The following TRPC1 variants were observed in gnomAD, a reference collection of about 807,000 sequenced individuals.
The protein encoded by TRPC1 is short transient receptor potential channel 1.
A neutral mutation model predicts 88.2 loss-of-function variants in TRPC1; 42 were observed. The observed-to-expected ratio is 0.48, with a 90% CI of 0.37 to 0.62. The LOEUF (loss-of-function observed/expected upper bound fraction) is 0.62. TRPC1 is among the 20% of genes least tolerant of loss of function. The pLI, the probability that TRPC1 is intolerant of heterozygous loss-of-function variation, is 0.00. For synonymous variants in TRPC1, 288 were observed against 331.8 expected (o/e 0.87, Z 1.43); for missense variants, 699 against 957.3 (o/e 0.73, Z 3.56).
At chr3:142,763,983 T>TATATACACAC (rs1441314374) in intron 4 of TRPC1, among the ~76,000 whole-genome samples, 5 of 74,352 alleles carry the variant, frequency 6.7e-5, no homozygotes, top group Non-Finnish European at 1.3e-4. Context: ...TATATATATA[T>TATATACACAC]ACACATACAT....
intron 6 of TRPC1, among the ~76,000 whole-genome samples, chr3:142,782,192 A>G (rs1424393045): frequency 6.6e-6 from 1 of 152,190 alleles, no homozygotes; most frequent in Non-Finnish European, 1.5e-5. Context: ...CTTAAGAGGT[A>G]ATTTTCTAAT....
chr3:142,796,428 A>AACAACCCC (rs1936452730), intron 9 of TRPC1, among the ~76,000 whole-genome samples: 1 of 152,140 alleles, frequency 6.6e-6, no homozygotes, highest in Non-Finnish European at 1.5e-5. Context: ...AGACAGAAAG[A>AACAACCCC]ACAACCCATG....
In TRPC1 at chr3:142,796,696, A is replaced by C. The variant is rs552616626; in HGVS notation, c.1581+3729A>C. Among the ~76,000 whole-genome samples, 25 of 152,252 alleles carry C rather than the reference A, an allele frequency of 1.6e-4. No individual in the cohort carries two copies. In the South Asian group the frequency reaches 3.5e-3, roughly 21 times the overall value. ...TACTCAAAAAAGGTTGCCACAAACA[A>C]CACAGTATCTGTGGAGCACCACAAA... is the stretch of plus-strand genomic sequence containing the variant. On this transcript the variant is annotated intron_variant, in intron 9 of 12. Transcript: ENST00000476941.
intron 6 of TRPC1, 99 bp downstream of exon 6, chr3:142,781,128 A>G (rs1935945373): frequency 1.1e-6 from 1 of 950,520 alleles, no homozygotes; most frequent in East Asian, 2.8e-5. Flanking sequence ...TTAAGATCCT[A>G]GTTCTGCTTC....
rs889908198 is a variant in TRPC1, at chr3:142,776,245, C to T, written c.633-1387C>T. 5.9e-5 allele frequency among the ~76,000 whole-genome samples: 9 copies of T among 151,946 alleles called. No homozygotes were observed. The highest frequency in any genetic ancestry group is 1.2e-4 in the Non-Finnish European group (8 of 67,988). ...ACATGCACAATTCTCTGTAAAATGA[C>T]GAGTTTTGAGGATTGCAGTTGGGAG... On this transcript the variant is annotated intron_variant, in intron 4 of 12. Transcript: ENST00000476941. The surrounding 1 kb of genome is among the most constrained non-coding windows in gnomAD (Gnocchi z 4.1).
At chr3:142,762,947 A>G (rs369059479) in intron 4 of TRPC1, among the ~76,000 whole-genome samples, 14 of 152,146 alleles carry the variant, frequency 9.2e-5, no homozygotes, top group Admixed American at 4.6e-4. Flanking sequence ...ATTGAAGAGT[A>G]TGTTACTTAA....
chr3:142,743,443 T>G, intron 2 of TRPC1, 42 bp from the exon 3 acceptor site: 5 of 1,380,328 alleles, frequency 3.6e-6, no homozygotes, highest in Non-Finnish European at 4.8e-6. Context: ...AGTTTACCTT[T>G]TTATCTTCCA....
intron 4 of TRPC1, among the ~76,000 whole-genome samples, chr3:142,762,748 C>G (rs1275643699): frequency 6.6e-6 from 1 of 152,026 alleles, no homozygotes; most frequent in Non-Finnish European, 1.5e-5. Context: ...TTTTCTAGTT[C>G]TTCAAGGTGC....
intron 7 of TRPC1, among the ~76,000 whole-genome samples, chr3:142,788,067 T>C (rs796643220): frequency 4.6e-5 from 7 of 152,306 alleles, no homozygotes; most frequent in African/African-American, 1.4e-4. Flanking sequence ...TACCAGACCA[T>C]GCATGGCCTT....
chr3:142,739,923 G>A (rs1333803836), intron 2 of TRPC1, among the ~76,000 whole-genome samples: 3 of 152,194 alleles, frequency 2.0e-5, no homozygotes, highest in Admixed American at 1.3e-4. Context: ...GAACTGGGCT[G>A]CACAGCAGGA....
At chr3:142,764,803 G>C (rs922602038) in intron 4 of TRPC1, among the ~76,000 whole-genome samples, 16 of 152,094 alleles carry the variant, frequency 1.1e-4, no homozygotes, top group African/African-American at 3.9e-4. Flanking sequence ...TCTTTCTCAA[G>C]TTTTGGAAAG....
chr3:142,732,007 T>C (rs1933940312), intron 1 of TRPC1, among the ~76,000 whole-genome samples: 2 of 152,120 alleles, frequency 1.3e-5, no homozygotes, highest in African/African-American at 4.8e-5. Context: ...TGACTGAGAG[T>C]GCATGGCCCA....
rs528283666 is a variant in TRPC1 at position 142,784,518 on chromosome 3, C to T, written c.961-186C>T. 1.1e-4 allele frequency among the ~76,000 whole-genome samples: 16 copies of T among 152,202 alleles called. No individual in the cohort carries two copies. The East Asian group carries it at 2.9e-3, about 28-fold the overall frequency. On this transcript the variant is annotated intron_variant, in intron 6 of 12. Coordinates refer to ENST00000476941, the MANE Select transcript of TRPC1 (RefSeq NM_001251845.2). The stretch of plus-strand genomic sequence containing the variant: ...AGATTTGAATCTAGGTAATCTGGCT[C>T]CATAGTCTATCCTCTTAACCTCTAC...
chr3:142,757,853 G>T (rs1410720896), intron 4 of TRPC1, among the ~76,000 whole-genome samples: 1 of 151,974 alleles, frequency 6.6e-6, no homozygotes, highest in Non-Finnish European at 1.5e-5. Context: ...GTACATATAT[G>T]TATTTATTGG....
intron 12 of TRPC1, 124 bp downstream of exon 12, chr3:142,804,754 T>C (rs1936733747): frequency 3.9e-6 from 3 of 778,586 alleles, no homozygotes; most frequent in Non-Finnish European, 4.0e-6. Context: ...TTTTCACTGC[T>C]ATATACCCTA....
At chr3:142,744,229 T>TA (rs1934456813) in intron 3 of TRPC1, among the ~76,000 whole-genome samples, 1 of 152,094 alleles carries the variant, frequency 6.6e-6, no homozygotes, top group African/African-American at 2.4e-5. Flanking sequence ...ATTTTAAACT[T>TA]ACCAAATTTA....
chr3:142,766,128 T>C (rs1577976938), intron 4 of TRPC1, among the ~76,000 whole-genome samples: 1 of 152,142 alleles, frequency 6.6e-6, no homozygotes, highest in East Asian at 1.9e-4. Context: ...CTGATTACTA[T>C]CGCTTTATAG....
At chr3:142,729,878 A>G (rs779581027) in intron 1 of TRPC1, among the ~76,000 whole-genome samples, 5 of 152,170 alleles carry the variant, frequency 3.3e-5, no homozygotes, top group African/African-American at 9.6e-5. Context: ...CCAGCACTGT[A>G]TCAATATAGT....
chr3:142,733,880 C>T (rs1188997710), intron 1 of TRPC1, among the ~76,000 whole-genome samples: 1 of 152,112 alleles, frequency 6.6e-6, no homozygotes, highest in Non-Finnish European at 1.5e-5. Flanking sequence ...TATGGCTGCT[C>T]CATGGGTGGG....
Sources: allele counts gnomAD v4.1 joint callset (sites outside exome capture counted in the v4.1 genomes callset), GRCh38; gene constraint gnomAD v4.1.1; non-coding constraint Gnocchi (gnomAD v3.1); transcripts MANE v1.5; gene names NCBI Gene and HGNC (gene_info 2026-07-23, HGNC 2026-07-21).